Variants in EPS15L1 observed in about 807,000 individuals in gnomAD.
EPS15L1 encodes epidermal growth factor receptor substrate 15-like 1.
Under a neutral mutation model 117.1 loss-of-function variants are expected in EPS15L1, and 43 were observed. That is an observed-to-expected ratio of 0.37 (90% confidence interval 0.29 to 0.47). The LOEUF (loss-of-function observed/expected upper bound fraction) is 0.47. EPS15L1 is among the 20% of genes least tolerant of loss of function. The pLI is 0.99. For synonymous variants in EPS15L1, 459 were observed against 470.5 expected (o/e 0.98, Z 0.32); for missense variants, 981 against 1,164.0 (o/e 0.84, Z 2.29).
rs148188074 is a variant in EPS15L1, at chr19:16,387,416, G to A, written c.2104-1185C>T. Among the ~76,000 whole-genome samples, 597 of 152,304 alleles carry A rather than the reference G, an allele frequency of 3.9e-3. 1 individual carries two copies. The highest frequency in any genetic ancestry group is 0.013 in the African/African-American group (557 of 41,560). On this transcript the variant is annotated intron_variant, in intron 19 of 23. Transcript: ENST00000455140. Reference sequence around the variant, plus strand: ...GAGGTCAGGAGTTTGAGACCAGCCTGGTCAATATGGTAAAACCCATTTCTA... The same window carrying A: ...GAGGTCAGGAGTTTGAGACCAGCCTAGTCAATATGGTAAAACCCATTTCTA...
At chr19:16,364,244 T>A (rs925906979) in intron 22 of EPS15L1, among the ~76,000 whole-genome samples, 31 of 152,156 alleles carry the variant, frequency 2.0e-4, no homozygotes, top group African/African-American at 7.2e-4. Context: ...CCCTGCAATC[T>A]GGAAGGGGCC....
chr19:16,392,404 G>A lies in EPS15L1; in HGVS notation c.2003C>T (p.Pro668Leu), dbSNP rs1486134466. The change falls in exon 19 of 24, where the codon CCA becomes CTA. Residue 668 changes from proline to leucine, a missense_variant. Coordinates refer to ENST00000455140, the MANE Select transcript of EPS15L1 (RefSeq NM_001258374.3). ...GTCGTCAGTGGCAGAGCCACGGAAT[G>A]GGTCACTTTCTTTGAAAGGGTCCCC... ...FGGDPFKESD[P>L]FRGSATDDFF... 1.2e-6 allele frequency: 2 copies of A among 1,614,152 alleles called. No individual in the cohort carries two copies. The highest frequency in any genetic ancestry group is 1.3e-5 in the African/African-American group (1 of 75,038).
At chr19:16,461,626 A>AAAAG (rs199970409) in intron 1 of EPS15L1, among the ~76,000 whole-genome samples, 6,233 of 151,998 alleles carry the variant, frequency 0.041, 298 homozygotes, top group African/African-American at 0.097. Context: ...TGTCTCAAAA[A>AAAAG]AAAGAAAGAA....
chr19:16,400,702 C>A, intron 16 of EPS15L1: 8 of 985,370 alleles, frequency 8.1e-6, no homozygotes, highest in Non-Finnish European at 9.6e-6. Flanking sequence ...TGCAAGTTTC[C>A]ATGTAACGTA....
chr19:16,390,560 G>A (rs1049082934), intron 19 of EPS15L1, among the ~76,000 whole-genome samples: 2 of 152,118 alleles, frequency 1.3e-5, no homozygotes, highest in African/African-American at 4.8e-5. Context: ...TTCTTCTCAA[G>A]TGTACATGGT....
rs1599544563 is a variant in EPS15L1 at position 16,377,062 on chromosome 19, C to T, written c.2380+60G>A. On this transcript the variant is annotated intron_variant, in intron 22 of 23. Transcript: ENST00000455140. Reference sequence around the variant, plus strand: ...CTCTGGGCTGGTGAGCAGGGAGGCCCTGGTCCCCCGCCATCCGGCACCGGT... The same window carrying T: ...CTCTGGGCTGGTGAGCAGGGAGGCCTTGGTCCCCCGCCATCCGGCACCGGT... 3 of 1,538,052 alleles carry T rather than the reference C, an allele frequency of 2.0e-6. No homozygotes were observed. The East Asian group carries it at 7.0e-5, about 36-fold the overall frequency.
chr19:16,386,293 C>A, intron 19 of EPS15L1, 62 bp from the exon 20 acceptor site: 1 of 1,316,646 alleles, frequency 7.6e-7, no homozygotes, highest in South Asian at 1.2e-5. Flanking sequence ...CCCATTCATT[C>A]AACCAGACCT....
chr19:16,466,316 G>A (rs150079831), intron 1 of EPS15L1, among the ~76,000 whole-genome samples: 66 of 152,170 alleles, frequency 4.3e-4, no homozygotes, highest in African/African-American at 1.5e-3. Flanking sequence ...GGATGAACCA[G>A]GCAATCTATG....
In EPS15L1 at chr19:16,437,779, C is replaced by T. The variant is rs778681075; in HGVS notation, c.300G>A (p.Pro100=). The T allele has an allele frequency of 2.5e-6, 4 of 1,613,582 alleles. No homozygotes were observed. Among genetic ancestry groups the T allele is most frequent in the East Asian group, 2.2e-5 (1 of 44,884 alleles). ...GGACTTGGACACTCACAAATTTAGGCGGTGGCATGCTCAAATTCAGATTGC... is the reference window on the plus strand; with the variant it reads ...GGACTTGGACACTCACAAATTTAGGTGGTGGCATGCTCAAATTCAGATTGC... ...TLSNLNLSMP[P]PKFHDTSSPL... Residue 100 remains proline (P), a synonymous_variant, in exon 5 of 24, where the codon CCG becomes CCA. Coordinates refer to ENST00000455140, the MANE Select transcript of EPS15L1 (RefSeq NM_001258374.3).
At position 16,471,841 on chromosome 19, in the gene EPS15L1, C is replaced by T; in HGVS notation, c.33+72G>A. On this transcript the variant is annotated intron_variant, in intron 1 of 23. Transcript: ENST00000455140. The surrounding 1 kb of genome is among the most constrained non-coding windows in gnomAD (Gnocchi z 4.8). ...CGCCGCCTGGCTGAGTCTCCCAGCG[C>T]CTCAGCCTCGCCGCACCGCTCGCCT... 1.1e-6 allele frequency: 1 copy of T among 930,998 alleles called. No homozygotes were observed. Among genetic ancestry groups the T allele is most frequent in the Middle Eastern group, 3.9e-4 (1 of 2,538 alleles). 57.7% of individuals were successfully genotyped at this position (930,998 alleles called of 1,614,324 possible).
At chr19:16,421,579 G>A in intron 9 of EPS15L1, 103 bp from the exon 10 acceptor site, 1 of 1,228,646 alleles carries the variant, frequency 8.1e-7, no homozygotes, top group South Asian at 1.4e-5. Flanking sequence ...ATGCACATTT[G>A]GCATCAAACT....
At chr19:16,355,980 G>C in intron 23 of EPS15L1, 129 bp from the exon 24 acceptor site, 1 of 1,157,394 alleles carries the variant, frequency 8.6e-7, no homozygotes, top group South Asian at 1.5e-5. Context: ...CGATGTGCAG[G>C]GGATAAGCAT....
intron 12 of EPS15L1, among the ~76,000 whole-genome samples, chr19:16,417,089 C>T (rs1179701941): frequency 6.6e-6 from 1 of 152,224 alleles, no homozygotes; most frequent in Non-Finnish European, 1.5e-5. Flanking sequence ...GGGCTGATGC[C>T]TGGGGCTACT....
At chr19:16,395,290 T>C in intron 17 of EPS15L1, 54 bp downstream of exon 17, 6 of 1,563,442 alleles carry the variant, frequency 3.8e-6, no homozygotes, top group Admixed American at 1.8e-5. Flanking sequence ...CCACTCTAAA[T>C]TCGACATAAA....
chr19:16,422,790 C>T (rs1405656965), intron 9 of EPS15L1, among the ~76,000 whole-genome samples: 1 of 152,100 alleles, frequency 6.6e-6, no homozygotes, highest in Non-Finnish European at 1.5e-5. Context: ...AACCCCCTCT[C>T]TACTAAAAAC....
chr19:16,467,359 AGGCT>A (rs1172317488), intron 1 of EPS15L1, among the ~76,000 whole-genome samples: 1 of 152,010 alleles, frequency 6.6e-6, no homozygotes, highest in Non-Finnish European at 1.5e-5. Context: ...CATGTTGGCC[AGGCT>A]GGTCTCAAAC....
Position 16,395,403 on chromosome 19 carries a change from G to A in EPS15L1, c.1856C>T (p.Pro619Leu), listed in dbSNP as rs199882870. Reference protein sequence around the residue: ...SNNTQELHPDPFQTEDPFKSD... With the variant: ...SNNTQELHPDLFQTEDPFKSD... ...TTTGAAGGGGTCTTCTGTCTGGAAAGGATCCGGATGCAACTCTTGCGTGTT... is the reference window on the plus strand; with the variant it reads ...TTTGAAGGGGTCTTCTGTCTGGAAAAGATCCGGATGCAACTCTTGCGTGTT... Residue 619 changes from proline (P) to leucine (L), a missense_variant, in exon 17 of 24, where the codon CCT becomes CTT. Physicochemically the swap from Pro to Leu is moderately conservative, Grantham distance 98. This residue lies in a region of EPS15L1 where 819 missense variants were observed against 949.0 expected (regional missense o/e 0.86). Coordinates refer to ENST00000455140, the MANE Select transcript of EPS15L1 (RefSeq NM_001258374.3). 30 of 1,613,718 alleles carry A rather than the reference G, an allele frequency of 1.9e-5. No homozygotes were observed. Among genetic ancestry groups the A allele is most frequent in the Non-Finnish European group, 2.4e-5 (28 of 1,179,760 alleles).
intron 21 of EPS15L1, among the ~76,000 whole-genome samples, chr19:16,384,439 GT>G (rs2092397701): frequency 6.6e-6 from 1 of 152,276 alleles, no homozygotes; most frequent in East Asian, 1.9e-4. Context: ...TTCTATTGTT[GT>G]TTTTTGACTT....
At chr19:16,403,561 C>A (rs1406189895) in intron 15 of EPS15L1, among the ~76,000 whole-genome samples, 172 bp downstream of exon 15, 1 of 152,196 alleles carries the variant, frequency 6.6e-6, no homozygotes, top group Admixed American at 6.5e-5. Flanking sequence ...AACTCTGGAA[C>A]ATGCCCTGGG....
Sources: gnomAD v4.1 joint callset for allele counts (sites outside exome capture counted in the v4.1 genomes callset) on GRCh38, gnomAD v4.1.1 for gene constraint, gnomAD v4.1.1 regional missense constraint, Gnocchi (gnomAD v3.1) non-coding constraint, MANE v1.5 for transcripts, NCBI Gene and HGNC (gene_info 2026-07-23, HGNC 2026-07-21) for gene names.